Variants in ADAM12 observed in about 807,000 individuals in gnomAD.
ADAM12 encodes ADAM metallopeptidase domain 12.
Under a neutral mutation model 106.4 loss-of-function variants are expected in ADAM12, and 70 were observed. That is an observed-to-expected ratio of 0.66 (90% CI 0.54 to 0.80). The LOEUF (loss-of-function observed/expected upper bound fraction) is 0.80. ADAM12 is among the 30% of genes least tolerant of loss of function. ADAM12 has a pLI of 0.00. For missense variants in ADAM12, 1,010 were observed against 1,171.9 expected (o/e 0.86, Z 2.02); for synonymous variants, 420 against 433.5 (o/e 0.97, Z 0.39).
chr10:126,222,831 T>C (rs1180987337), intron 3 of ADAM12, among the ~76,000 whole-genome samples: 1 of 152,210 alleles, frequency 6.6e-6, no homozygotes, highest in Non-Finnish European at 1.5e-5. Context: ...CCTGGCTCCA[T>C]ATACTCTCTC....
At chr10:126,130,536 T>C (rs1956286050) in intron 5 of ADAM12, among the ~76,000 whole-genome samples, 1 of 152,192 alleles carries the variant, frequency 6.6e-6, no homozygotes, top group African/African-American at 2.4e-5. Flanking sequence ...TTTCACAATA[T>C]TCTTTTCTGC....
intron 14 of ADAM12, among the ~76,000 whole-genome samples, chr10:126,052,372 G>A (rs978974265): frequency 1.3e-5 from 2 of 152,246 alleles, no homozygotes; most frequent in Non-Finnish European, 2.9e-5. Context: ...AAATGGGTGG[G>A]TGGAGTTGAC....
chr10:126,309,629 C>T (rs1371754401), intron 2 of ADAM12, among the ~76,000 whole-genome samples: 3 of 152,180 alleles, frequency 2.0e-5, no homozygotes, highest in Non-Finnish European at 4.4e-5. Context: ...TATTGCATTA[C>T]ACTGAGTGGG....
At chr10:126,360,534 T>C (rs1219676409) in intron 1 of ADAM12, among the ~76,000 whole-genome samples, 4 of 152,212 alleles carry the variant, frequency 2.6e-5, no homozygotes, top group Non-Finnish European at 4.4e-5. Context: ...GCTACCAGTG[T>C]CTTTGCTAAA....
At chr10:126,312,131 G>GAAAAAAAAAA (rs35783742) in intron 2 of ADAM12, among the ~76,000 whole-genome samples, 1 of 123,980 alleles carries the variant, frequency 8.1e-6, no homozygotes. Flanking sequence ...GGTTGGTGTG[G>GAAAAAAAAAA]AAAAAAAAAA....
At chr10:126,193,112 A>C (rs1466259277) in intron 3 of ADAM12, among the ~76,000 whole-genome samples, 1 of 152,068 alleles carries the variant, frequency 6.6e-6, no homozygotes, top group East Asian at 1.9e-4. Context: ...AGAAATATAA[A>C]AAATTAGCCG....
intron 4 of ADAM12, among the ~76,000 whole-genome samples, chr10:126,138,309 G>C (rs1565087836): frequency 6.6e-6 from 1 of 152,110 alleles, no homozygotes; most frequent in Non-Finnish European, 1.5e-5. Context: ...ACCCTTATTA[G>C]ATATATGATT....
chr10:126,159,217 G>A (rs28542977), intron 3 of ADAM12, among the ~76,000 whole-genome samples: 25,792 of 149,572 alleles, frequency 0.17, 2,624 homozygotes, highest in Non-Finnish European at 0.24. Flanking sequence ...GGCTGAGGCA[G>A]GAGAATGGCG....
chr10:126,220,119 A>G lies in ADAM12; in HGVS notation c.260+58796T>C, dbSNP rs190635905. 2.1e-3 allele frequency among the ~76,000 whole-genome samples: 325 copies of G among 152,382 alleles called. 1 individual carries two copies. Among genetic ancestry groups the G allele is most frequent in the Non-Finnish European group, 3.9e-3 (268 of 68,038 alleles). ...AAGGATGACACATGCCCACAGGGCC[A>G]GCCAGCCATTCGGAAGCCTCCACTC... On this transcript the variant is annotated intron_variant, in intron 3 of 22. Transcript: ENST00000448723.
Position 126,081,113 on chromosome 10 carries a change from A to G in ADAM12, c.1146-9459T>C, listed in dbSNP as rs747209213. Among the ~76,000 whole-genome samples, 12 of 152,294 alleles carry G rather than the reference A, an allele frequency of 7.9e-5. No homozygotes were observed. In the East Asian group the frequency reaches 2.1e-3, roughly 27 times the overall value. On this transcript the variant is annotated intron_variant, in intron 11 of 22. Transcript: ENST00000448723. ...GCTGGATTCAAGGGGGCTGCAGGTC[A>G]GGGTCCTGCTGCTTCCTGTGACTCT... is the stretch of plus-strand genomic sequence containing the variant.
chr10:126,046,134 T>G lies in ADAM12; in HGVS notation c.1918-2A>C. 6.2e-7 allele frequency: 1 copy of G among 1,613,624 alleles called. No homozygotes were observed. Among genetic ancestry groups the G allele is most frequent in the South Asian group, 1.1e-5 (1 of 91,076 alleles). On this transcript the variant is annotated splice_acceptor_variant, in intron 16 of 22. Transcript: ENST00000448723. LOFTEE classifies it high-confidence loss of function. ...TTGACATTGACGATTCAGGCAGATC[T>G]GTAGGAGGAGGAAAACACAGCAAAT...
chr10:126,279,037 T>C (rs747023168), intron 2 of ADAM12, 49 bp from the exon 3 acceptor site: 1 of 1,414,610 alleles, frequency 7.1e-7, no homozygotes, highest in South Asian at 1.2e-5. Context: ...GGCTTTGATT[T>C]GCAAATAGCT....
intron 3 of ADAM12, among the ~76,000 whole-genome samples, chr10:126,258,367 C>T (rs1958933749): frequency 6.6e-6 from 1 of 152,024 alleles, no homozygotes; most frequent in South Asian, 2.1e-4. Context: ...TCCTCCACCT[C>T]ACTCATCCCC....
chr10:126,077,407 T>C (rs1955123301), intron 11 of ADAM12, among the ~76,000 whole-genome samples: 1 of 152,174 alleles, frequency 6.6e-6, no homozygotes, highest in African/African-American at 2.4e-5. Context: ...AAAATTCATA[T>C]GGAACCAAAA....
At position 126,196,004 on chromosome 10, in the gene ADAM12, TAA is replaced by T. The variant is rs969226432; in HGVS notation, c.261-40701_261-40700del. On this transcript the variant is annotated intron_variant, in intron 3 of 22. Coordinates refer to ENST00000448723, the MANE Select transcript of ADAM12 (RefSeq NM_001288973.2). ...ATGGCCTCCAGGGGCCTGTTTCTTA[TAA>T]AGTTTTATAGGAATGCAGCTACTTA... 1.5e-3 allele frequency among the ~76,000 whole-genome samples: 228 copies of T among 152,232 alleles called. 1 individual carries two copies. The highest frequency in any genetic ancestry group is 5.4e-3 in the African/African-American group (222 of 41,462).
intron 2 of ADAM12, among the ~76,000 whole-genome samples, chr10:126,315,751 A>C (rs756300171): frequency 3.3e-4 from 50 of 152,010 alleles, no homozygotes; most frequent in Admixed American, 1.9e-3. Flanking sequence ...TTAAAACTGC[A>C]AGGCAAGGGT....
chr10:126,345,607 C>G (rs1158668804), intron 1 of ADAM12, among the ~76,000 whole-genome samples: 1 of 152,172 alleles, frequency 6.6e-6, no homozygotes, highest in Non-Finnish European at 1.5e-5. Flanking sequence ...GGTACCAGCT[C>G]CTCCTTGTAC....
intron 11 of ADAM12, among the ~76,000 whole-genome samples, chr10:126,093,641 T>TC (rs1292187309): frequency 6.6e-6 from 1 of 152,192 alleles, no homozygotes; most frequent in Non-Finnish European, 1.5e-5. Context: ...GATGGCTGGC[T>TC]CCTGGGACTG....
chr10:126,165,455 C>A (rs1052805328), intron 3 of ADAM12, among the ~76,000 whole-genome samples: 1 of 152,254 alleles, frequency 6.6e-6, no homozygotes, highest in Non-Finnish European at 1.5e-5. Flanking sequence ...CGGTGCCCAG[C>A]CGGGGGCATT....
Sources: allele counts gnomAD v4.1 joint callset (sites outside exome capture counted in the v4.1 genomes callset), GRCh38; gene constraint gnomAD v4.1.1; transcripts MANE v1.5; gene names NCBI Gene and HGNC (gene_info 2026-07-23, HGNC 2026-07-21).